MROH9: variants seen among roughly 807,000 people sequenced by gnomAD.
The protein encoded by MROH9 is maestro heat-like repeat-containing protein family member 9.
A neutral mutation model predicts 98.2 loss-of-function variants in MROH9; 92 were observed. The observed-to-expected ratio is 0.94, with a 90% CI of 0.79 to 1.11. MROH9 has a LOEUF of 1.11. MROH9 is among the 50% of genes most tolerant of loss of function. The probability of loss-of-function intolerance (pLI) is 0.00; values close to 1 mark genes in which losing one functional copy is unlikely to be tolerated. For missense variants in MROH9, 1,057 were observed against 1,014.8 expected, an observed-to-expected ratio of 1.04 and a Z score of -0.57; for synonymous variants, 397 against 368.9, an observed-to-expected ratio of 1.08 and a Z score of -0.87.
At chr1:171,063,193 C>T (rs1654062648) in intron 21 of MROH9, among the ~76,000 whole-genome samples, 1 of 151,466 alleles carries the variant, frequency 6.6e-6, no homozygotes, top group African/African-American at 2.4e-5. Context: ...ATAGTAATTT[C>T]TCACAGTCCA....
chr1:171,037,604 G>C (rs1055026807), intron 20 of MROH9, among the ~76,000 whole-genome samples: 1 of 151,710 alleles, frequency 6.6e-6, no homozygotes, highest in African/African-American at 2.4e-5. Flanking sequence ...AACATTGCTT[G>C]CTGATTCTAA....
intron 5 of MROH9, among the ~76,000 whole-genome samples, chr1:170,960,627 G>A (rs1019853929): frequency 2.6e-5 from 4 of 151,906 alleles, no homozygotes; most frequent in Non-Finnish European, 5.9e-5. Flanking sequence ...ATTTGGTTTC[G>A]TTTTGTTTTG....
intron 12 of MROH9, 42 bp downstream of exon 12, chr1:170,992,371 T>A: frequency 6.3e-7 from 1 of 1,578,644 alleles, no homozygotes; most frequent in Non-Finnish European, 8.6e-7. Flanking sequence ...AGTACTGTTT[T>A]CCTGATTGTG....
At chr1:170,974,693 C>A (rs986132439) in intron 8 of MROH9, among the ~76,000 whole-genome samples, 3 of 151,836 alleles carry the variant, frequency 2.0e-5, no homozygotes, top group Admixed American at 2.0e-4. Flanking sequence ...GGAAATTATA[C>A]CAGACGAAAA....
chr1:170,956,640 G>A (rs1649773687), intron 3 of MROH9, among the ~76,000 whole-genome samples: 1 of 130,580 alleles, frequency 7.7e-6, no homozygotes, highest in Non-Finnish European at 1.6e-5. Flanking sequence ...TTGAGTTCTC[G>A]ATTTGATTCT....
At chr1:170,991,196 C>G (rs527776011) in intron 11 of MROH9, among the ~76,000 whole-genome samples, 1 of 152,240 alleles carries the variant, frequency 6.6e-6, no homozygotes, top group African/African-American at 2.4e-5. Context: ...AAAGCTGCTA[C>G]CAGCAGGTCT....
At chr1:171,060,312 T>C (rs1653973357) in intron 20 of MROH9, among the ~76,000 whole-genome samples, 1 of 152,156 alleles carries the variant, frequency 6.6e-6, no homozygotes, top group Non-Finnish European at 1.5e-5. Flanking sequence ...TATATTATGC[T>C]CATTGATTGA....
chr1:170,953,801 G>GGA (rs1208201194), intron 3 of MROH9, among the ~76,000 whole-genome samples: 16 of 144,834 alleles, frequency 1.1e-4, no homozygotes, highest in South Asian at 4.4e-4. Flanking sequence ...GGGAGGAGAG[G>GGA]GAGAGAGAGA....
At chr1:170,986,122 A>G (rs1231393861) in intron 9 of MROH9, among the ~76,000 whole-genome samples, 4 of 152,164 alleles carry the variant, frequency 2.6e-5, no homozygotes, top group African/African-American at 7.2e-5. Context: ...TCATGGACAT[A>G]AAGGCCTTTT....
chr1:171,063,648 A>G (rs1190743421), intron 21 of MROH9, among the ~76,000 whole-genome samples: 1 of 152,214 alleles, frequency 6.6e-6, no homozygotes, highest in East Asian at 1.9e-4. Flanking sequence ...TAATATAAAC[A>G]TCTTTCTAAG....
intron 20 of MROH9, among the ~76,000 whole-genome samples, chr1:171,054,194 C>A (rs1288164296): frequency 6.6e-6 from 1 of 151,902 alleles, no homozygotes; most frequent in East Asian, 1.9e-4. Context: ...ATTTTTAGAC[C>A]AATGAAGCAG....
At chr1:171,025,887 G>A (rs750493382) in intron 20 of MROH9, among the ~76,000 whole-genome samples, 2 of 152,132 alleles carry the variant, frequency 1.3e-5, no homozygotes, top group Admixed American at 6.5e-5. Context: ...GACTAGACAA[G>A]TTTTTTATAT....
At chr1:170,972,830 A>ACACACC (rs1650518823) in intron 8 of MROH9, among the ~76,000 whole-genome samples, 2 of 9,438 alleles carry the variant, frequency 2.1e-4, no homozygotes, top group Non-Finnish European at 4.6e-4. Context: ...AAAAAAAAAT[A>ACACACC]CACACACACA....
intron 3 of MROH9, among the ~76,000 whole-genome samples, chr1:170,951,014 G>T (rs1424199772): frequency 6.6e-6 from 1 of 151,890 alleles, no homozygotes; most frequent in Non-Finnish European, 1.5e-5. Flanking sequence ...TGGGAGAGGG[G>T]TCCTAATGAA....
intron 20 of MROH9, among the ~76,000 whole-genome samples, chr1:171,029,649 C>T (rs141889793): frequency 2.0e-5 from 3 of 152,148 alleles, no homozygotes; most frequent in African/African-American, 4.8e-5. Flanking sequence ...GACGCTGAAC[C>T]GATCGTGGTG....
intron 15 of MROH9, among the ~76,000 whole-genome samples, chr1:171,006,216 G>GTT (rs143919013): frequency 0.05 from 7,591 of 151,740 alleles, 578 homozygotes; most frequent in African/African-American, 0.16. Flanking sequence ...TGGTTGTCAG[G>GTT]TTTTTTTTCT....
At chr1:171,010,786 T>C (rs1025096190) in intron 15 of MROH9, among the ~76,000 whole-genome samples, 8 of 152,030 alleles carry the variant, frequency 5.3e-5, no homozygotes, top group African/African-American at 1.9e-4. Flanking sequence ...GGGGTTGTTT[T>C]TTTGTTTTGG....
chr1:170,948,660 A>T (rs926551), intron 3 of MROH9, among the ~76,000 whole-genome samples: 111,692 of 151,956 alleles, frequency 0.74, 41,575 homozygotes, highest in Middle Eastern at 0.9. Flanking sequence ...GAGAGATTTT[A>T]AAAAATTCAG....
rs143368610 is a variant in MROH9, at chr1:170,986,517, G to A, written c.730-44G>A. 1,209 of 1,582,468 alleles carry A rather than the reference G, an allele frequency of 7.6e-4. 11 individuals are homozygous for A. The African/African-American group carries it at 0.013, about 17-fold the overall frequency. On this transcript the variant is annotated intron_variant, in intron 9 of 21. Coordinates refer to ENST00000367759, the MANE Select transcript of MROH9 (RefSeq NM_001163629.2). Reference sequence around the variant, plus strand: ...GTCTGAGTTTAGCTGTCTTATGTTGGTGTGAGTAAGGCCTGAGGTCATGAT... The same window carrying A: ...GTCTGAGTTTAGCTGTCTTATGTTGATGTGAGTAAGGCCTGAGGTCATGAT...
Sources: gnomAD v4.1 joint callset for allele counts (sites outside exome capture counted in the v4.1 genomes callset) on GRCh38, gnomAD v4.1.1 for gene constraint, MANE v1.5 for transcripts, NCBI Gene and HGNC (gene_info 2026-07-23, HGNC 2026-07-21) for gene names.